The following ROBO2 variants were observed in gnomAD, a reference collection of about 807,000 sequenced individuals.
ROBO2 encodes the protein roundabout guidance receptor 2.
ROBO2 carries 53 observed loss-of-function variants against 160.8 expected under a neutral mutation model. The observed-to-expected ratio is 0.33, with a 90% confidence interval of 0.26 to 0.41. ROBO2 has a LOEUF of 0.41. Among genes scored for constraint, ROBO2 ranks in the 10% least tolerant of loss-of-function variants. The pLI, the probability that ROBO2 is intolerant of heterozygous loss-of-function variation, is 1.00. For synonymous variants in ROBO2, 664 were observed against 611.7 expected (o/e 1.09, Z -1.26); for missense variants, 1,577 against 1,722.4 (o/e 0.92, Z 1.49).
chr3:77,568,764 T>C lies in ROBO2; in HGVS notation c.1971+330T>C, dbSNP rs189143337. 2.6e-5 allele frequency among the ~76,000 whole-genome samples: 4 copies of C among 152,170 alleles called. No individual in the cohort carries two copies. In the East Asian group the frequency reaches 7.8e-4, roughly 30 times the overall value. On this transcript the variant is annotated intron_variant, in intron 13 of 25. Coordinates refer to ENST00000461745, the Ensembl canonical transcript of ROBO2. ...ATCACCAAAATCTAATTTTAGAACA[T>C]TTCATCATCCCCAAATGAAATCCTG...
At chr3:76,967,371 A>C (rs773055638) in intron 2 of ROBO2, among the ~76,000 whole-genome samples, 2 of 151,746 alleles carry the variant, frequency 1.3e-5, no homozygotes, top group Non-Finnish European at 2.9e-5. Flanking sequence ...ACGCCCAGCT[A>C]ATTTTTGTAT....
chr3:76,921,908 T>C (rs192951934), intron 2 of ROBO2, among the ~76,000 whole-genome samples: 1 of 152,282 alleles, frequency 6.6e-6, no homozygotes, highest in East Asian at 1.9e-4. Context: ...CATTGAGATG[T>C]GAACATATCA....
intron 2 of ROBO2, among the ~76,000 whole-genome samples, chr3:76,149,069 TCTCA>T (rs2072037183): frequency 6.6e-6 from 1 of 152,034 alleles, no homozygotes; most frequent in African/African-American, 2.4e-5. Flanking sequence ...TAAGTGGCAT[TCTCA>T]CTCACTCAGT....
chr3:76,938,482 C>T (rs1205674757), intron 2 of ROBO2, among the ~76,000 whole-genome samples: 1 of 152,086 alleles, frequency 6.6e-6, no homozygotes, highest in Non-Finnish European at 1.5e-5. Flanking sequence ...CTACAAAACC[C>T]ACCAACCTAC....
At chr3:77,555,876 A>T (rs1364877220) in intron 8 of ROBO2, among the ~76,000 whole-genome samples, 1 of 151,854 alleles carries the variant, frequency 6.6e-6, no homozygotes. Flanking sequence ...TGGAACTGAA[A>T]ATTATGTCTG....
chr3:75,965,663 T>C (rs1949084270), intron 2 of ROBO2, among the ~76,000 whole-genome samples: 1 of 50,724 alleles, frequency 2.0e-5, no homozygotes. Flanking sequence ...TTTATATATA[T>C]TGTATATTTG....
intron 2 of ROBO2, among the ~76,000 whole-genome samples, chr3:76,130,813 G>T (rs573247703): frequency 6.6e-6 from 1 of 152,222 alleles, no homozygotes; most frequent in African/African-American, 2.4e-5. Flanking sequence ...GTAAGTATCT[G>T]GCAATTAGTA....
At chr3:75,907,852 C>CGTGCGTGT (rs1553699048) in intron 1 of ROBO2, among the ~76,000 whole-genome samples, 1 of 148,680 alleles carries the variant, frequency 6.7e-6, no homozygotes, top group East Asian at 2.0e-4. Context: ...TAATCGTGTG[C>CGTGCGTGT]GTGTGTGTGT....
intron 18 of ROBO2, among the ~76,000 whole-genome samples, chr3:77,595,767 T>C (rs2153687992): frequency 6.6e-6 from 1 of 152,298 alleles, no homozygotes. Context: ...AGATTAAGTC[T>C]AATGAGAGTT....
intron 2 of ROBO2, among the ~76,000 whole-genome samples, chr3:76,958,643 C>T (rs769189341): frequency 2.6e-5 from 4 of 152,218 alleles, no homozygotes; most frequent in Non-Finnish European, 5.9e-5. Flanking sequence ...GCAATTGCCA[C>T]TCTCTGGCTT....
intron 2 of ROBO2, among the ~76,000 whole-genome samples, chr3:76,447,610 C>T (rs1001343219): frequency 6.7e-6 from 1 of 150,114 alleles, no homozygotes; most frequent in African/African-American, 2.5e-5. Context: ...TATTGCGGCA[C>T]TATTCACAAT....
intron 2 of ROBO2, among the ~76,000 whole-genome samples, chr3:77,165,163 G>T (rs983323590): frequency 2.0e-5 from 3 of 151,364 alleles, no homozygotes; most frequent in South Asian, 4.2e-4. Context: ...GATGGTTGCC[G>T]TGTCTGTGTG....
At chr3:76,793,904 G>C (rs779172373) in intron 2 of ROBO2, among the ~76,000 whole-genome samples, 1 of 151,884 alleles carries the variant, frequency 6.6e-6, no homozygotes, top group Non-Finnish European at 1.5e-5. Flanking sequence ...TAGCATTCTG[G>C]TTTCAAATCT....
At chr3:77,632,282 G>A in intron 23 of ROBO2, 1 of 493,738 alleles carries the variant, frequency 2.0e-6, no homozygotes, top group Non-Finnish European at 3.6e-6. Context: ...ACAGATACAG[G>A]TTTCAAATGA....
intron 6 of ROBO2, among the ~76,000 whole-genome samples, chr3:77,524,118 A>C (rs1354828820): frequency 6.6e-6 from 1 of 151,330 alleles, no homozygotes; most frequent in Non-Finnish European, 1.5e-5. Flanking sequence ...GGTGCTTTTC[A>C]TACTACTCAA....
At position 75,940,687 on chromosome 3, in the gene ROBO2, G is replaced by A. The variant is rs1948012628; in HGVS notation, c.109+3085G>A. Among the ~76,000 whole-genome samples, 4 of 152,072 alleles carry A rather than the reference G, an allele frequency of 2.6e-5. No individual in the cohort carries two copies. In the South Asian group the frequency reaches 8.3e-4, roughly 32 times the overall value. On this transcript the variant is annotated intron_variant, in intron 2 of 26. Coordinates refer to the ROBO2 transcript ENST00000487694. Reference sequence around the variant, plus strand: ...ATAAAACAAATAACATAAATATCTAGCTGTATTTTGTCTTTTTGGTAACTA... The same window carrying A: ...ATAAAACAAATAACATAAATATCTAACTGTATTTTGTCTTTTTGGTAACTA...
intron 5 of ROBO2, among the ~76,000 whole-genome samples, chr3:77,516,008 A>G (rs7649469): frequency 1 from 151,038 of 151,632 alleles, 75,224 homozygotes; most frequent in Middle Eastern, 1. Context: ...ATCTATTATC[A>G]TAGAGGTACT....
chr3:77,259,606 A>G (rs1013955899), intron 2 of ROBO2, among the ~76,000 whole-genome samples: 5 of 152,214 alleles, frequency 3.3e-5, no homozygotes, highest in Non-Finnish European at 5.9e-5. Flanking sequence ...AGGAACAAAA[A>G]AGGATGATTG....
intron 2 of ROBO2, among the ~76,000 whole-genome samples, chr3:76,580,343 T>TTTTTTTTTTTTTTTTTTTTTTGTG (rs2085610198): frequency 1.4e-4 from 1 of 7,294 alleles, no homozygotes; most frequent in Non-Finnish European, 6.1e-4. Context: ...TTTTTTTGTG[T>TTTTTTTTTTTTTTTTTTTTTTGTG]TTTTTTTTTT....
Sources: gnomAD v4.1 joint callset for allele counts (sites outside exome capture counted in the v4.1 genomes callset) on GRCh38, gnomAD v4.1.1 for gene constraint, MANE v1.5 for transcripts, NCBI Gene and HGNC (gene_info 2026-07-23, HGNC 2026-07-21) for gene names.